The following PAH variants were observed in gnomAD, a reference collection of about 807,000 sequenced individuals.
PAH encodes the protein phenylalanine hydroxylase, also known as phenylalanine-4-hydroxylase.
Under a neutral mutation model 62.0 loss-of-function variants are expected in PAH, and 64 were observed. The observed-to-expected ratio is 1.03, with a 90% CI of 0.84 to 1.27. The LOEUF is 1.27. Ranked by LOEUF, PAH falls within the 50% of genes most tolerant of loss-of-function variation. PAH has a pLI of 0.00. For synonymous variants in PAH, 195 were observed against 196.2 expected, an observed-to-expected ratio of 0.99 and a Z score of 0.05; for missense variants, 579 against 542.8, an observed-to-expected ratio of 1.07 and a Z score of -0.66.
At chr12:102,893,328 A>G (rs1356482370) in intron 3 of PAH, among the ~76,000 whole-genome samples, 1 of 152,188 alleles carries the variant, frequency 6.6e-6, no homozygotes, top group Non-Finnish European at 1.5e-5. Flanking sequence ...TGAACCCAGG[A>G]GGCAGAGGTT....
In PAH at chr12:102,843,634, T is replaced by C. The variant is rs771059413; in HGVS notation, c.1199+12A>G. 1 of 1,613,642 alleles carries C rather than the reference T, an allele frequency of 6.2e-7. No homozygotes were observed. Among genetic ancestry groups the C allele is most frequent in the Non-Finnish European group, 8.5e-7 (1 of 1,179,742 alleles). ...CCCCAGAGCTAGTGGCTCACCTTTG[T>C]CACCACCTCACCTTACTTTCTCCTT... On this transcript the variant is annotated intron_variant, in intron 11 of 12. Transcript: ENST00000553106.
intron 1 of PAH, among the ~76,000 whole-genome samples, chr12:102,956,786 A>G (rs1000689447): frequency 6.6e-6 from 1 of 151,992 alleles, no homozygotes; most frequent in Non-Finnish European, 1.5e-5. Context: ...CGTCCCTGCC[A>G]TATACACCCA....
At chr12:102,860,131 T>A (rs914392830) in intron 5 of PAH, among the ~76,000 whole-genome samples, 1 of 152,166 alleles carries the variant, frequency 6.6e-6, no homozygotes, top group Admixed American at 6.5e-5. Flanking sequence ...TTCAGCAAAG[T>A]CTCAGGATAC....
chr12:102,873,450 T>C (rs1876439485), intron 4 of PAH, among the ~76,000 whole-genome samples: 1 of 152,222 alleles, frequency 6.6e-6, no homozygotes, highest in East Asian at 1.9e-4. Context: ...TGGAGCAGTT[T>C]CCTTACTGAC....
chr12:102,915,371 C>T (rs887354799), intron 1 of PAH, among the ~76,000 whole-genome samples: 2 of 152,102 alleles, frequency 1.3e-5, no homozygotes, highest in African/African-American at 4.8e-5. Context: ...AAACTTAGAG[C>T]CAAAGGGAGA....
intron 2 of PAH, among the ~76,000 whole-genome samples, chr12:102,906,761 C>T (rs1877993425): frequency 6.6e-6 from 1 of 152,146 alleles, no homozygotes. Flanking sequence ...TTCCATTTTA[C>T]AGATGAGGAA....
chr12:102,906,282 C>T (rs1877974004), intron 2 of PAH, among the ~76,000 whole-genome samples: 1 of 152,142 alleles, frequency 6.6e-6, no homozygotes, highest in Non-Finnish European at 1.5e-5. Context: ...TCTTACAGGA[C>T]ATTTGGAGAA....
chr12:102,866,715 G>T (rs1875990184), intron 4 of PAH, 52 bp from the exon 5 acceptor site: 2 of 1,398,664 alleles, frequency 1.4e-6, no homozygotes, highest in Admixed American at 1.7e-5. Context: ...AAGAGGTCTG[G>T]TACCTTTATG....
chr12:102,841,384 C>G (rs1464976560), intron 11 of PAH, among the ~76,000 whole-genome samples: 1 of 152,148 alleles, frequency 6.6e-6, no homozygotes, highest in Non-Finnish European at 1.5e-5. Flanking sequence ...TTACGGGAGA[C>G]AGTAGGGACC....
At chr12:102,893,969 A>G (rs1877386713) in intron 3 of PAH, among the ~76,000 whole-genome samples, 1 of 152,222 alleles carries the variant, frequency 6.6e-6, no homozygotes, top group African/African-American at 2.4e-5. Context: ...GACAGATAAG[A>G]AGATGGAAAA....
chr12:102,843,617 C>A (rs976776708), intron 11 of PAH, 29 bp downstream of exon 11: 1 of 1,613,194 alleles, frequency 6.2e-7, no homozygotes, highest in East Asian at 2.2e-5. Context: ...GCCCCCAGAG[C>A]TAGTGGCTCA....
chr12:102,887,592 T>G (rs1298999557), intron 3 of PAH, among the ~76,000 whole-genome samples: 1 of 152,044 alleles, frequency 6.6e-6, no homozygotes, highest in Non-Finnish European at 1.5e-5. Context: ...AACTTAAGGA[T>G]GTCTAAGATC....
chr12:102,890,659 C>T (rs1360377367), intron 3 of PAH, among the ~76,000 whole-genome samples: 1 of 152,216 alleles, frequency 6.6e-6, no homozygotes, highest in Non-Finnish European at 1.5e-5. Flanking sequence ...AAATGTCATC[C>T]CACTTCAAAT....
chr12:102,855,481 T>A (rs1875384406), intron 5 of PAH, 149 bp from the exon 6 acceptor site: 1 of 667,322 alleles, frequency 1.5e-6, no homozygotes, highest in South Asian at 1.7e-5. Context: ...AAGAGAAAAA[T>A]TCCACATCTT....
intron 1 of PAH, among the ~76,000 whole-genome samples, chr12:102,926,539 G>C (rs1878689119): frequency 6.7e-6 from 1 of 149,928 alleles, no homozygotes; most frequent in African/African-American, 2.4e-5. Context: ...TGGTGCAAAA[G>C]TAATTGCAGT....
intron 5 of PAH, among the ~76,000 whole-genome samples, chr12:102,859,058 C>G (rs1875586441): frequency 6.6e-6 from 1 of 151,682 alleles, no homozygotes; most frequent in Non-Finnish European, 1.5e-5. Flanking sequence ...AAAAGATCGA[C>G]AAAATTGATA....
chr12:102,857,349 G>A (rs1433718974), intron 5 of PAH, among the ~76,000 whole-genome samples: 4 of 152,196 alleles, frequency 2.6e-5, no homozygotes, highest in South Asian at 2.1e-4. Context: ...ACATCTGATC[G>A]GTGTACCTGA....
intron 1 of PAH, among the ~76,000 whole-genome samples, chr12:102,927,161 G>A (rs1878705985): frequency 6.6e-6 from 1 of 152,044 alleles, no homozygotes; most frequent in Non-Finnish European, 1.5e-5. Context: ...AAGTTATCAG[G>A]GTATGCTTGG....
intron 11 of PAH, among the ~76,000 whole-genome samples, chr12:102,843,128 TAGAA>T (rs764076310): frequency 6.6e-6 from 1 of 151,916 alleles, no homozygotes; most frequent in Non-Finnish European, 1.5e-5. Context: ...AAACAGAAAA[TAGAA>T]AGAACAAAAT....
Sources: allele counts gnomAD v4.1 joint callset (sites outside exome capture counted in the v4.1 genomes callset), GRCh38; gene constraint gnomAD v4.1.1; transcripts MANE v1.5; gene names NCBI Gene and HGNC (gene_info 2026-07-23, HGNC 2026-07-21).